Variants in RFX7 observed in about 807,000 individuals in gnomAD.
RFX7 encodes the protein DNA-binding protein RFX7.
Under a neutral mutation model 111.8 loss-of-function variants are expected in RFX7, and 26 were observed. The ratio of observed to expected loss-of-function variants is 0.23; its 90% CI spans 0.17 to 0.32. RFX7 has a LOEUF of 0.32. RFX7 is among the 10% of genes least tolerant of loss of function. The probability of loss-of-function intolerance (pLI) is 1.00; values close to 1 mark genes in which losing one functional copy is unlikely to be tolerated. For synonymous variants in RFX7, 624 were observed against 624.4 expected, an observed-to-expected ratio of 1.00 and a Z score of 0.01; for missense variants, 1,573 against 1,772.9, an observed-to-expected ratio of 0.89 and a Z score of 2.02.
At chr15:56,139,953 T>C (rs1465082854) in intron 5 of RFX7, among the ~76,000 whole-genome samples, 2 of 152,194 alleles carry the variant, frequency 1.3e-5, no homozygotes, top group Non-Finnish European at 2.9e-5. Flanking sequence ...GGGACCCACT[T>C]GAGGAGGCAG....
intron 5 of RFX7, among the ~76,000 whole-genome samples, chr15:56,115,543 CAT>C (rs1477040506): frequency 2.0e-5 from 3 of 152,164 alleles, no homozygotes; most frequent in Non-Finnish European, 4.4e-5. Context: ...CACACACACA[CAT>C]ATGTGATAAA....
chr15:56,201,089 A>T (rs12594908), intron 2 of RFX7, among the ~76,000 whole-genome samples: 2 of 152,140 alleles, frequency 1.3e-5, no homozygotes, highest in East Asian at 3.9e-4. Context: ...CTTAATGGGA[A>T]GACTACGGAC....
In RFX7 at chr15:56,096,033, A is replaced by T. The variant is rs1404790119; in HGVS notation, c.1695T>A (p.Pro565=). 1.2e-6 allele frequency: 2 copies of T among 1,613,018 alleles called. No individual in the cohort carries two copies. Among genetic ancestry groups the T allele is most frequent in the Non-Finnish European group, 1.7e-6 (2 of 1,179,530 alleles). ...NSDEAKAPQT[P]SALLGQKSNT... ...TACTTTTCTGCCCCAAAAGGGCACT[A>T]GGTGTCTGGGGAGCTTTAGCCTCAT... Residue 565 remains proline (P), a synonymous_variant, in exon 10 of 10, where the codon CCT becomes CCA. Coordinates refer to ENST00000559447, the MANE Select transcript of RFX7 (RefSeq NM_022841.7).
At chr15:56,174,999 T>C (rs1465519950) in intron 3 of RFX7, among the ~76,000 whole-genome samples, 15 of 152,102 alleles carry the variant, frequency 9.9e-5, no homozygotes, top group Admixed American at 3.9e-4. Flanking sequence ...AAAAAGAAAT[T>C]GGCATATAAA....
chr15:56,225,055 G>T (rs1315784819), intron 2 of RFX7, among the ~76,000 whole-genome samples: 2 of 152,040 alleles, frequency 1.3e-5, no homozygotes, highest in African/African-American at 4.8e-5. Context: ...AAAAGAACAA[G>T]AACAGCAGTA....
intron 2 of RFX7, chr15:56,192,428 C>A (rs2043109613): frequency 9.0e-6 from 2 of 221,876 alleles, no homozygotes; most frequent in South Asian, 1.7e-4. Context: ...ATGGGCTGGG[C>A]TGAAATATGG....
At chr15:56,227,797 TTTC>T (rs1229333358) in intron 2 of RFX7, among the ~76,000 whole-genome samples, 20 of 152,216 alleles carry the variant, frequency 1.3e-4, no homozygotes, top group Non-Finnish European at 1.8e-4. Flanking sequence ...TTTTCATTTA[TTTC>T]TTCTCACTCT....
At position 56,093,245 on chromosome 15, in the gene RFX7, T is replaced by A; in HGVS notation, c.*100A>T. 1 of 1,084,106 alleles carries A rather than the reference T, an allele frequency of 9.2e-7. No homozygotes were observed. The highest frequency in any genetic ancestry group is 1.3e-6 in the Non-Finnish European group (1 of 780,482). The allele number at this position is 1,084,106 out of a possible 1,614,324, so 67.2% of individuals were successfully genotyped here. ...TTCTGCAGCAAACGCTTTTAAAATG[T>A]CACAATTAATAGTATTTCTGCTGCG... is the stretch of plus-strand genomic sequence containing the variant. On this transcript the variant is annotated 3_prime_UTR_variant, in exon 10 of 10. Coordinates refer to ENST00000559447, the MANE Select transcript of RFX7 (RefSeq NM_022841.7).
intron 2 of RFX7, among the ~76,000 whole-genome samples, chr15:56,231,650 G>A (rs887356893): frequency 5.9e-5 from 9 of 152,050 alleles, no homozygotes; most frequent in Non-Finnish European, 1.0e-4. Flanking sequence ...CAAATCTCAT[G>A]TCCTCACATT....
intron 3 of RFX7, among the ~76,000 whole-genome samples, chr15:56,174,377 AG>A (rs1326507536): frequency 6.6e-6 from 1 of 152,198 alleles, no homozygotes; most frequent in Admixed American, 6.5e-5. Flanking sequence ...TAGATAGTTC[AG>A]GGGAAAAGAA....
At chr15:56,162,100 C>G (rs183487470) in intron 3 of RFX7, among the ~76,000 whole-genome samples, 2 of 152,010 alleles carry the variant, frequency 1.3e-5, no homozygotes, top group African/African-American at 4.8e-5. Flanking sequence ...AGGTTTAGAT[C>G]TTTCTAGTCA....
intron 2 of RFX7, among the ~76,000 whole-genome samples, chr15:56,204,379 T>C (rs2043229143): frequency 6.6e-6 from 1 of 152,116 alleles, no homozygotes; most frequent in East Asian, 1.9e-4. Context: ...GTTGAAGAGC[T>C]ATCCCATACA....
chr15:56,137,734 A>C (rs201519136), intron 5 of RFX7, among the ~76,000 whole-genome samples: 1 of 151,690 alleles, frequency 6.6e-6, no homozygotes, highest in East Asian at 2.0e-4. Context: ...TCTTTCCTGC[A>C]TTCTCTTGTG....
intron 2 of RFX7, among the ~76,000 whole-genome samples, chr15:56,207,825 T>G (rs1250928291): frequency 6.6e-6 from 1 of 152,144 alleles, no homozygotes; most frequent in African/African-American, 2.4e-5. Flanking sequence ...TTCTTAGGAT[T>G]TGTCAGAGTG....
chr15:56,093,835 G>A lies in RFX7; in HGVS notation c.3893C>T (p.Pro1298Leu). 3 of 1,613,916 alleles carry A rather than the reference G, an allele frequency of 1.9e-6. No individual in the cohort carries two copies. Among genetic ancestry groups the A allele is most frequent in the Non-Finnish European group, 2.5e-6 (3 of 1,179,850 alleles). Residue 1298 changes from proline to leucine, a missense_variant, in exon 10 of 10, where the codon CCA (proline) becomes CTA (leucine). Coordinates refer to ENST00000559447, the MANE Select transcript of RFX7 (RefSeq NM_022841.7). The stretch of plus-strand genomic sequence containing the variant: ...AGTGCTGGAATCGATCATATTTTGT[G>A]GGTTGGCACTAGGAAAAACAGTGGA... ...EPSTVFPSAN[P>L]QNMIDSSTSV...
chr15:56,229,458 G>A (rs1596024440), intron 2 of RFX7, among the ~76,000 whole-genome samples: 2 of 152,212 alleles, frequency 1.3e-5, no homozygotes, highest in South Asian at 4.1e-4. Flanking sequence ...GTAGAGACGG[G>A]GTTTCACCGT....
intron 3 of RFX7, among the ~76,000 whole-genome samples, chr15:56,148,562 C>G (rs555795797): frequency 5.9e-4 from 90 of 152,278 alleles, no homozygotes; most frequent in African/African-American, 2.1e-3. Flanking sequence ...CAACCCCCTT[C>G]CCTTCTAAAA....
intron 2 of RFX7, among the ~76,000 whole-genome samples, chr15:56,240,346 TAAC>T (rs1158778162): frequency 1.1e-4 from 17 of 152,240 alleles, no homozygotes; most frequent in African/African-American, 4.1e-4. Flanking sequence ...TATAGAAACA[TAAC>T]AACATTGTCA....
intron 3 of RFX7, among the ~76,000 whole-genome samples, chr15:56,174,776 T>C (rs1437665110): frequency 2.0e-5 from 3 of 152,018 alleles, no homozygotes; most frequent in South Asian, 2.1e-4. Flanking sequence ...CAAGTAACTA[T>C]GATTTTAAAA....
Sources: allele counts gnomAD v4.1 joint callset (sites outside exome capture counted in the v4.1 genomes callset), GRCh38; gene constraint gnomAD v4.1.1; transcripts MANE v1.5; gene names NCBI Gene and HGNC (gene_info 2026-07-23, HGNC 2026-07-21).